The following NEGR1 variants were observed in gnomAD, a reference collection of about 807,000 sequenced individuals.
The protein encoded by NEGR1 is IgLON family member 4.
NEGR1 carries 10 observed loss-of-function variants against 40.9 expected under a neutral mutation model. The observed-to-expected ratio is 0.24, with a 90% CI of 0.15 to 0.42. The LOEUF (loss-of-function observed/expected upper bound fraction) is 0.42, where lower values mean the gene tolerates loss of function less well. NEGR1 is among the 10% of genes least tolerant of loss of function. NEGR1 has a pLI of 1.00. For synonymous variants in NEGR1, 185 were observed against 166.8 expected (o/e 1.11, Z -0.84); for missense variants, 352 against 438.9 (o/e 0.80, Z 1.77).
chr1:71,852,362 A>G (rs1659632866), intron 2 of NEGR1, among the ~76,000 whole-genome samples: 1 of 152,162 alleles, frequency 6.6e-6, no homozygotes, highest in Non-Finnish European at 1.5e-5. Flanking sequence ...GTTTGGCCAC[A>G]CAGTGTCTTA....
chr1:72,131,489 A>G (rs1359051059), intron 1 of NEGR1, among the ~76,000 whole-genome samples: 2 of 152,198 alleles, frequency 1.3e-5, no homozygotes, highest in African/African-American at 2.4e-5. Context: ...TATTCTCACA[A>G]ATATCTTATT....
intron 6 of NEGR1, among the ~76,000 whole-genome samples, chr1:71,508,151 G>C (rs999145376): frequency 2.6e-5 from 4 of 152,092 alleles, no homozygotes; most frequent in Non-Finnish European, 5.9e-5. Context: ...TAAGTTTGTA[G>C]TTCACCACTT....
chr1:71,507,930 C>T (rs1647046256), intron 6 of NEGR1, among the ~76,000 whole-genome samples: 1 of 152,118 alleles, frequency 6.6e-6, no homozygotes, highest in South Asian at 2.1e-4. Flanking sequence ...CAATAGCACT[C>T]CTTAGGATTA....
In NEGR1 at chr1:72,115,838, C is replaced by G. The variant is rs180860308; in HGVS notation, c.176+166481G>C. Reference sequence around the variant, plus strand: ...CTTTTATCTTACCTCTTCTGTGGTGCCATCCTTATGGTGGGGTGGGTGCCA... The same window carrying G: ...CTTTTATCTTACCTCTTCTGTGGTGGCATCCTTATGGTGGGGTGGGTGCCA... On this transcript the variant is annotated intron_variant, in intron 1 of 6. Coordinates refer to ENST00000357731, the MANE Select transcript of NEGR1 (RefSeq NM_173808.3). Among the ~76,000 whole-genome samples, 5 of 151,612 alleles carry G rather than the reference C, an allele frequency of 3.3e-5. No individual in the cohort carries two copies. The South Asian group carries it at 8.3e-4, about 25-fold the overall frequency.
chr1:71,464,847 C>T (rs1289180481), intron 6 of NEGR1, among the ~76,000 whole-genome samples: 8 of 151,952 alleles, frequency 5.3e-5, no homozygotes, highest in Non-Finnish European at 2.9e-5. Context: ...ACAGTGGAGT[C>T]GAATATAATA....
At chr1:71,628,722 T>C (rs1650871496) in intron 4 of NEGR1, among the ~76,000 whole-genome samples, 2 of 152,122 alleles carry the variant, frequency 1.3e-5, no homozygotes, top group South Asian at 4.1e-4. Context: ...GCTTCATCCC[T>C]GTCCCTGCAA....
intron 1 of NEGR1, among the ~76,000 whole-genome samples, chr1:72,103,902 G>GCTAT (rs1649035303): frequency 6.6e-6 from 1 of 152,034 alleles, no homozygotes; most frequent in Non-Finnish European, 1.5e-5. Flanking sequence ...AAGGAATGAT[G>GCTAT]CTATACAGAC....
At chr1:72,051,405 T>C (rs1197773837) in intron 1 of NEGR1, among the ~76,000 whole-genome samples, 1 of 151,506 alleles carries the variant, frequency 6.6e-6, no homozygotes, top group Non-Finnish European at 1.5e-5. Flanking sequence ...GGCACGATCA[T>C]CGTGATGGCA....
At chr1:72,066,419 A>AT (rs1352534529) in intron 1 of NEGR1, among the ~76,000 whole-genome samples, 1 of 152,198 alleles carries the variant, frequency 6.6e-6, no homozygotes, top group Non-Finnish European at 1.5e-5. Context: ...TTAAGACCAC[A>AT]TTTTAACTTT....
At chr1:72,274,947 G>T (rs575111718) in intron 1 of NEGR1, 22 of 1,530,662 alleles carry the variant, frequency 1.4e-5, no homozygotes, top group South Asian at 2.2e-5. Context: ...TCTCCTTTGC[G>T]CACGATGTAG....
intron 4 of NEGR1, among the ~76,000 whole-genome samples, chr1:71,693,842 T>A (rs1179237803): frequency 6.6e-6 from 1 of 151,624 alleles, no homozygotes; most frequent in Non-Finnish European, 1.5e-5. Context: ...AACCTTCATA[T>A]TAAAGGGGTA....
At chr1:71,614,016 A>C (rs1010358285) in intron 4 of NEGR1, among the ~76,000 whole-genome samples, 1 of 152,074 alleles carries the variant, frequency 6.6e-6, no homozygotes, top group Non-Finnish European at 1.5e-5. Context: ...TACCCTAGGA[A>C]ATACATCATT....
At chr1:72,141,463 T>G (rs1010898484) in intron 1 of NEGR1, among the ~76,000 whole-genome samples, 2 of 152,060 alleles carry the variant, frequency 1.3e-5, no homozygotes, top group African/African-American at 4.8e-5. Flanking sequence ...TATATTATCC[T>G]GAACTATATT....
At chr1:71,928,832 G>A (rs1645827021) in intron 2 of NEGR1, among the ~76,000 whole-genome samples, 1 of 151,902 alleles carries the variant, frequency 6.6e-6, no homozygotes, top group Admixed American at 6.6e-5. Context: ...GAACTTACTT[G>A]GTCTTTCACC....
chr1:71,421,726 G>A (rs1356020518), intron 6 of NEGR1, among the ~76,000 whole-genome samples: 1 of 152,030 alleles, frequency 6.6e-6, no homozygotes, highest in East Asian at 1.9e-4. Context: ...AAGAAAGCAA[G>A]CATAAGAAAA....
chr1:72,052,229 T>TTCTATTATTCAC (rs1335486840), intron 1 of NEGR1, among the ~76,000 whole-genome samples: 7 of 151,476 alleles, frequency 4.6e-5, no homozygotes, highest in Non-Finnish European at 8.9e-5. Flanking sequence ...GACAAAGCCT[T>TTCTATTATTCAC]GTCAAATTAT....
intron 1 of NEGR1, among the ~76,000 whole-genome samples, chr1:71,952,306 T>C (rs1646077760): frequency 6.6e-6 from 1 of 151,952 alleles, no homozygotes. Flanking sequence ...ATATGAATGA[T>C]AAGAAAGTTA....
At chr1:71,615,310 T>C (rs1245258093) in intron 4 of NEGR1, among the ~76,000 whole-genome samples, 1 of 151,864 alleles carries the variant, frequency 6.6e-6, no homozygotes, top group African/African-American at 2.4e-5. Flanking sequence ...ATTCCTGGCC[T>C]CATAGAGCTG....
rs185648234 is a variant in NEGR1 at position 72,078,289 on chromosome 1, T to G, written c.177-142978A>C. Reference sequence around the variant, plus strand: ...CAGCTATAGCACCGTAATATCTCAGTGAGTTCACCTTACTAAAAGGCCACA... The same window carrying G: ...CAGCTATAGCACCGTAATATCTCAGGGAGTTCACCTTACTAAAAGGCCACA... On this transcript the variant is annotated intron_variant, in intron 1 of 6. Coordinates refer to ENST00000357731, the MANE Select transcript of NEGR1 (RefSeq NM_173808.3). 5.3e-4 allele frequency among the ~76,000 whole-genome samples: 80 copies of G among 152,252 alleles called. No homozygotes were observed. In the Middle Eastern group the frequency reaches 0.01, roughly 19 times the overall value.
Sources: gnomAD v4.1 joint callset for allele counts (sites outside exome capture counted in the v4.1 genomes callset) on GRCh38, gnomAD v4.1.1 for gene constraint, MANE v1.5 for transcripts, NCBI Gene and HGNC (gene_info 2026-07-23, HGNC 2026-07-21) for gene names.